NLGN1: variants seen among roughly 807,000 people sequenced by gnomAD.
NLGN1 encodes the protein neuroligin 1, also known as neuroligin-1.
A neutral mutation model predicts 65.5 loss-of-function variants in NLGN1; 12 were observed. The ratio of observed to expected loss-of-function variants is 0.18; its 90% CI spans 0.12 to 0.30. The LOEUF is 0.30. Ranked by LOEUF, NLGN1 falls within the 10% of genes least tolerant of loss-of-function variation. The probability of loss-of-function intolerance (pLI) is 1.00; values close to 1 mark genes in which losing one functional copy is unlikely to be tolerated. For synonymous variants in NLGN1, 350 were observed against 359.5 expected (o/e 0.97, Z 0.30); for missense variants, 750 against 1,007.1 (o/e 0.74, Z 3.46).
At position 173,763,897 on chromosome 3, in the gene NLGN1, A is replaced by G. The variant is rs565925643; in HGVS notation, c.494-43783A>G. On this transcript the variant is annotated intron_variant, in intron 3 of 6. Transcript: ENST00000457714. ...AACCCACTTACCCTTTCACACATCA[A>G]GCATACTCATTCAGTTTCCTGTGAA... Among the ~76,000 whole-genome samples the G allele has an allele frequency of 4.5e-4, 69 of 152,292 alleles. 1 individual carries two copies. Among genetic ancestry groups the G allele is most frequent in the Non-Finnish European group, 7.5e-4 (51 of 68,010 alleles).
chr3:173,529,735 C>T (rs978063715), intron 2 of NLGN1, among the ~76,000 whole-genome samples: 4 of 152,202 alleles, frequency 2.6e-5, no homozygotes, highest in South Asian at 2.1e-4. Flanking sequence ...CCAATAAAGA[C>T]GGCTTTGTGG....
intron 4 of NLGN1, among the ~76,000 whole-genome samples, chr3:174,139,261 C>T (rs1172336486): frequency 6.6e-6 from 1 of 152,066 alleles, no homozygotes; most frequent in African/African-American, 2.4e-5. Flanking sequence ...TCTGTTGTAT[C>T]TGCCTATTTC....
chr3:173,673,851 A>G (rs1362431397), intron 3 of NLGN1, among the ~76,000 whole-genome samples: 2 of 152,166 alleles, frequency 1.3e-5, no homozygotes, highest in African/African-American at 4.8e-5. Flanking sequence ...ATTGAAAATG[A>G]AAGTACACTC....
upstream of NLGN1, among the ~76,000 whole-genome samples, chr3:173,398,288 CTCT>C (rs1299384372): frequency 9.9e-5 from 15 of 152,134 alleles, no homozygotes; most frequent in Admixed American, 1.3e-4. Context: ...AAGAAAGTTG[CTCT>C]TCTTCCCCAC....
intron 4 of NLGN1, among the ~76,000 whole-genome samples, chr3:174,234,446 C>G (rs1741285127): frequency 6.6e-6 from 1 of 152,146 alleles, no homozygotes; most frequent in Admixed American, 6.5e-5. Context: ...TGCATGTTCA[C>G]TTGAGGCGTT....
chr3:173,965,845 C>T (rs1714737465), intron 4 of NLGN1, among the ~76,000 whole-genome samples: 1 of 152,076 alleles, frequency 6.6e-6, no homozygotes, highest in African/African-American at 2.4e-5. Context: ...GCATGTTTTG[C>T]TATAGTACCT....
intron 4 of NLGN1, among the ~76,000 whole-genome samples, chr3:173,977,274 GAC>G (rs1717705951): frequency 6.6e-6 from 1 of 151,898 alleles, no homozygotes; most frequent in South Asian, 2.1e-4. Flanking sequence ...TCTGTAGTAT[GAC>G]CAGATGGCAG....
intron 2 of NLGN1, among the ~76,000 whole-genome samples, chr3:173,590,427 A>G (rs754958841): frequency 3.3e-5 from 5 of 152,212 alleles, no homozygotes; most frequent in Non-Finnish European, 5.9e-5. Context: ...TTTAATAACA[A>G]CATCTAAGAA....
At chr3:173,978,209 C>A (rs1717945990) in intron 4 of NLGN1, among the ~76,000 whole-genome samples, 1 of 152,074 alleles carries the variant, frequency 6.6e-6, no homozygotes, top group South Asian at 2.1e-4. Context: ...TCAGACAGTG[C>A]CACTAAGGAC....
intron 1 of NLGN1, among the ~76,000 whole-genome samples, chr3:173,433,728 C>T (rs1717611805): frequency 6.6e-6 from 1 of 152,110 alleles, no homozygotes; most frequent in East Asian, 1.9e-4. Context: ...TTTGCTCCCT[C>T]CTTATATCTA....
chr3:173,849,726 A>G (rs894833264), intron 4 of NLGN1, among the ~76,000 whole-genome samples: 2 of 152,144 alleles, frequency 1.3e-5, no homozygotes, highest in Non-Finnish European at 2.9e-5. Context: ...GTATAAATTT[A>G]CATAACTCAT....
chr3:173,944,124 G>GTTGTGTGTTT (rs34721217), intron 4 of NLGN1, among the ~76,000 whole-genome samples: 2 of 139,512 alleles, frequency 1.4e-5, no homozygotes, highest in African/African-American at 5.5e-5. Flanking sequence ...TAATATTATG[G>GTTGTGTGTTT]GTGTGTGTGT....
At chr3:174,076,213 T>C (rs896280346) in intron 4 of NLGN1, among the ~76,000 whole-genome samples, 1 of 152,158 alleles carries the variant, frequency 6.6e-6, no homozygotes, top group Non-Finnish European at 1.5e-5. Context: ...ATAACATAAT[T>C]CTAAGTTTTT....
At chr3:174,253,098 A>G (rs1234304320) in intron 4 of NLGN1, among the ~76,000 whole-genome samples, 5 of 152,212 alleles carry the variant, frequency 3.3e-5, no homozygotes, top group Admixed American at 2.0e-4. Context: ...CAGTAGCTAC[A>G]AATTGATGTA....
chr3:174,081,026 AAATT>A (rs1219684644), intron 4 of NLGN1, among the ~76,000 whole-genome samples: 11 of 151,774 alleles, frequency 7.2e-5, no homozygotes, highest in African/African-American at 2.7e-4. Flanking sequence ...GTTCTGGTAA[AAATT>A]AAACGTGAGA....
At chr3:173,675,706 G>A (rs970355796) in intron 3 of NLGN1, among the ~76,000 whole-genome samples, 2 of 151,958 alleles carry the variant, frequency 1.3e-5, no homozygotes, top group African/African-American at 4.8e-5. Context: ...AAGAAAGGAG[G>A]TGGATGTGGT....
At chr3:174,029,906 T>C (rs1729608365) in intron 4 of NLGN1, among the ~76,000 whole-genome samples, 1 of 152,178 alleles carries the variant, frequency 6.6e-6, no homozygotes, top group South Asian at 2.1e-4. Context: ...GTTAGGCCTT[T>C]CCAGCCATGT....
At chr3:173,611,211 TATGGTCTAGACATC>T (rs1260515508) in intron 3 of NLGN1, among the ~76,000 whole-genome samples, 1 of 152,048 alleles carries the variant, frequency 6.6e-6, no homozygotes, top group African/African-American at 2.4e-5. Flanking sequence ...GAGATCTTCC[TATGGTCTAGACATC>T]ATGGCATATT....
At chr3:173,479,928 A>G (rs1294201937) in intron 2 of NLGN1, among the ~76,000 whole-genome samples, 2 of 152,140 alleles carry the variant, frequency 1.3e-5, no homozygotes, top group Admixed American at 6.6e-5. Context: ...AGTGAGAAGG[A>G]TCAGAGTCAA....
Sources: gnomAD v4.1 joint callset for allele counts (sites outside exome capture counted in the v4.1 genomes callset) on GRCh38, gnomAD v4.1.1 for gene constraint, MANE v1.5 for transcripts, NCBI Gene and HGNC (gene_info 2026-07-23, HGNC 2026-07-21) for gene names.